Variants in SEMA4D observed in about 807,000 individuals in gnomAD.
The protein encoded by SEMA4D is semaphorin 4D, also known as semaphorin-4D.
SEMA4D carries 22 observed loss-of-function variants against 74.8 expected under a neutral mutation model. The observed-to-expected ratio is 0.29, with a 90% confidence interval of 0.21 to 0.42. SEMA4D has a LOEUF of 0.42. SEMA4D is among the 10% of genes least tolerant of loss of function. The pLI, the probability that SEMA4D is intolerant of heterozygous loss-of-function variation, is 1.00. For missense variants in SEMA4D, 937 were observed against 1,118.4 expected (o/e 0.84, Z 2.31); for synonymous variants, 445 against 463.7 (o/e 0.96, Z 0.52).
intron 2 of SEMA4D, among the ~76,000 whole-genome samples, chr9:89,409,938 G>T (rs1844151310): frequency 6.6e-6 from 1 of 152,170 alleles, no homozygotes; most frequent in Admixed American, 6.5e-5. Flanking sequence ...GAAACCCAAT[G>T]AAATGACTCT....
chr9:89,419,335 A>G (rs1846412611), intron 2 of SEMA4D, among the ~76,000 whole-genome samples: 1 of 152,178 alleles, frequency 6.6e-6, no homozygotes, highest in African/African-American at 2.4e-5. Context: ...AAAAGGCCAC[A>G]TCCACCCAGG....
chr9:89,363,717 A>G, intron 17 of SEMA4D: 4 of 1,607,456 alleles, frequency 2.5e-6, no homozygotes, highest in Non-Finnish European at 3.4e-6. Flanking sequence ...TAAAAGGGTA[A>G]CAGTGGGCAT....
intron 9 of SEMA4D, 146 bp from the exon 10 acceptor site, chr9:89,389,193 G>C: frequency 1.3e-6 from 1 of 751,982 alleles, no homozygotes; most frequent in Non-Finnish European, 2.2e-6. Flanking sequence ...GACAGATGCC[G>C]CAATTATGTG....
At chr9:89,393,439 G>C in intron 7 of SEMA4D, 123 bp downstream of exon 7, 1 of 766,392 alleles carries the variant, frequency 1.3e-6, no homozygotes, top group Non-Finnish European at 2.2e-6. Flanking sequence ...CTTTTGTAAG[G>C]ATAGCTCCTA....
chr9:89,457,552 C>T (rs1409729364), intron 1 of SEMA4D, among the ~76,000 whole-genome samples: 1 of 151,976 alleles, frequency 6.6e-6, no homozygotes, highest in African/African-American at 2.4e-5. Flanking sequence ...GCCTGGACAA[C>T]ACAGTGAGAC....
intron 18 of SEMA4D, among the ~76,000 whole-genome samples, chr9:89,363,273 C>CG (rs564784754): frequency 2.0e-5 from 3 of 152,152 alleles, no homozygotes; most frequent in South Asian, 2.1e-4. Flanking sequence ...GATTTCCCCC[C>CG]CCAGTGTTGC....
intron 2 of SEMA4D, among the ~76,000 whole-genome samples, chr9:89,452,937 C>T (rs1345979745): frequency 6.6e-6 from 1 of 152,188 alleles, no homozygotes; most frequent in East Asian, 1.9e-4. Flanking sequence ...GGGATGGGAT[C>T]TTGGGTGTTT....
In SEMA4D at chr9:89,391,271, A is replaced by G; in HGVS notation, c.767T>C (p.Val256Ala). ...AGAGTGCCTGGCACTCACCTTGCAC[A>G]CTCTTGCTATCCGTGGGATCAGCAC... ...FRVLIPRIAR[V>A]CKGDQGGLRT... The change falls in exon 9 of 16, where the codon GTG becomes GCG. Residue 256 changes from valine (V) to alanine (A), a missense_variant. Physicochemically the swap from Val to Ala is moderately conservative, Grantham distance 64. Transcript: ENST00000422704. 6.2e-7 allele frequency: 1 copy of G among 1,613,994 alleles called. No individual in the cohort carries two copies. The highest frequency in any genetic ancestry group is 8.5e-7 in the Non-Finnish European group (1 of 1,179,908).
rs1419441000 is a variant in SEMA4D at position 89,452,695 on chromosome 9, T to TACCC, written c.-244+3189_-244+3192dup. 7.3e-5 allele frequency among the ~76,000 whole-genome samples: 11 copies of TACCC among 151,076 alleles called. 1 individual carries two copies. Among genetic ancestry groups the TACCC allele is most frequent in the Admixed American group, 4.6e-4 (7 of 15,194 alleles). ...CTTGAACTCCCCACCTCAGATGATC[T>TACCC]ACCCACCTCGGCCTCCCAAAGTGCT... On this transcript the variant is annotated intron_variant, in intron 2 of 15. Coordinates refer to ENST00000422704, the MANE Select transcript of SEMA4D (RefSeq NM_001371194.2).
downstream of SEMA4D, among the ~76,000 whole-genome samples, chr9:89,375,756 A>T (rs960164435): frequency 6.6e-6 from 1 of 152,220 alleles, no homozygotes; most frequent in Admixed American, 6.5e-5. Flanking sequence ...GGTTCTGGAC[A>T]TCTACTATCT....
In SEMA4D at chr9:89,399,416, A is replaced by T. The variant is rs557902294; in HGVS notation, c.253-78T>A. 2.9e-5 allele frequency: 32 copies of T among 1,110,184 alleles called. No individual in the cohort carries two copies. The East Asian group carries it at 7.0e-4, about 24-fold the overall frequency. The allele number at this position is 1,110,184 out of a possible 1,614,324, so 68.8% of individuals were successfully genotyped here. A position where few individuals can be genotyped will look rare whatever the true frequency, so the allele number is the denominator to read the frequency against. ...TAAAAATGCACAATTTTAAAAGCAC[A>T]TGATAGAGTTTAGAGCCTAGAGGTT... On this transcript the variant is annotated intron_variant, in intron 4 of 15. Transcript: ENST00000422704.
chr9:89,430,588 A>T lies in SEMA4D; in HGVS notation c.-243-24889T>A, dbSNP rs1849057940. On this transcript the variant is annotated intron_variant, in intron 2 of 15. Transcript: ENST00000422704. ...ACAGAGTCTAACAGGTGTATTTCCA[A>T]GGCCTCAGCAACCCCGCAAGCTCAG... Among the ~76,000 whole-genome samples the T allele has an allele frequency of 1.3e-5, 2 of 152,208 alleles. 1 individual carries two copies. The highest frequency in any genetic ancestry group is 4.1e-4 in the South Asian group (2 of 4,828).
At chr9:89,466,233 A>C (rs1238754616) in intron 1 of SEMA4D, among the ~76,000 whole-genome samples, 1 of 151,958 alleles carries the variant, frequency 6.6e-6, no homozygotes, top group Non-Finnish European at 1.5e-5. Context: ...CACAAACATA[A>C]TTTCCCCTGA....
intron 2 of SEMA4D, among the ~76,000 whole-genome samples, chr9:89,426,629 C>T (rs1848170201): frequency 6.6e-6 from 1 of 152,138 alleles, no homozygotes; most frequent in Admixed American, 6.5e-5. Context: ...CAGTACTGAC[C>T]TTAAATGCTG....
chr9:89,364,148 G>C, intron 16 of SEMA4D: 1 of 1,104,996 alleles, frequency 9.0e-7, no homozygotes, highest in Non-Finnish European at 1.3e-6. Flanking sequence ...GGCCCGTCCT[G>C]TGGACTTCCT....
chr9:89,480,949 G>A (rs946372298), intron 1 of SEMA4D, among the ~76,000 whole-genome samples: 2 of 152,228 alleles, frequency 1.3e-5, no homozygotes, highest in Non-Finnish European at 2.9e-5. Flanking sequence ...GCAAGCGAGG[G>A]CTCTGAGGAC....
intron 2 of SEMA4D, among the ~76,000 whole-genome samples, chr9:89,410,495 G>C (rs1234379477): frequency 6.6e-6 from 1 of 152,096 alleles, no homozygotes; most frequent in Admixed American, 6.5e-5. Context: ...AAGCTTAAAA[G>C]TAAAATGTGG....
rs761502029 is a variant in SEMA4D at position 89,388,963 on chromosome 9, C to T, written c.859G>A (p.Gly287Ser). The T allele has an allele frequency of 6.2e-6, 10 of 1,614,080 alleles. No homozygotes were observed. The highest frequency in any genetic ancestry group is 2.2e-5 in the East Asian group (1 of 44,872). Residue 287 changes from glycine to serine, a missense_variant, in exon 10 of 16, where the codon GGC becomes AGC. Coordinates refer to ENST00000422704, the MANE Select transcript of SEMA4D (RefSeq NM_001371194.2). ...ARLICSRPDS[G>S]LVFNVLRDVF... ...TCCCGCAGCACATTGAAGACCAAGC[C>T]GCTGTCTGGCCGGGAGCAGATGAGT...
Position 89,498,107 on chromosome 9 carries a change from G to A in SEMA4D, c.-498C>T, listed in dbSNP as rs1010416080. ...AGAGCGCTGAGGCCGGCGCGGGGAC[G>A]GAGTGCGCGGGGCGGGCGCGCAGGC... On this transcript the variant is annotated 5_prime_UTR_variant, in exon 1 of 16. Coordinates refer to ENST00000422704, the MANE Select transcript of SEMA4D (RefSeq NM_001371194.2). 2 of 149,628 alleles carry A rather than the reference G, an allele frequency of 1.3e-5. No homozygotes were observed. Among genetic ancestry groups the A allele is most frequent in the South Asian group, 1.8e-4 (1 of 5,626 alleles). The allele number at this position is 149,628 out of a possible 1,614,324, so 9.3% of individuals were successfully genotyped here. A position where few individuals can be genotyped will look rare whatever the true frequency, so the allele number is the denominator to read the frequency against.
Sources: gnomAD v4.1 joint callset for allele counts (sites outside exome capture counted in the v4.1 genomes callset) on GRCh38, gnomAD v4.1.1 for gene constraint, MANE v1.5 for transcripts, NCBI Gene and HGNC (gene_info 2026-07-23, HGNC 2026-07-21) for gene names.